TIMM9: variants seen among roughly 807,000 people sequenced by gnomAD.
TIMM9 encodes translocase of inner mitochondrial membrane 9.
Under a neutral mutation model 13.4 loss-of-function variants are expected in TIMM9, and 10 were observed. That is an observed-to-expected ratio of 0.75 (90% CI 0.46 to 1.26). The LOEUF (loss-of-function observed/expected upper bound fraction) is 1.26. TIMM9 is among the 50% of genes most tolerant of loss of function. The pLI, the probability that TIMM9 is intolerant of heterozygous loss-of-function variation, is 0.00. For missense variants in TIMM9, 87 were observed against 100.8 expected, an observed-to-expected ratio of 0.86 and a Z score of 0.58; for synonymous variants, 32 against 32.1, an observed-to-expected ratio of 1.00 and a Z score of 0.01.
chr14:58,427,406 C>T lies in TIMM9; in HGVS notation c.-318G>A. The T allele has an allele frequency of 3.5e-6, 2 of 565,946 alleles. No individual in the cohort carries two copies. The highest frequency in any genetic ancestry group is 6.2e-6 in the Non-Finnish European group (2 of 321,684). The allele number at this position is 565,946 out of a possible 1,614,324, so 35.1% of individuals were successfully genotyped here. On this transcript the variant is annotated 5_prime_UTR_variant, in exon 1 of 6. Transcript: ENST00000395159. Reference sequence around the variant, plus strand: ...GCCTAATTTACCTAATCCCACGTCCCTAACGGTCTTCGGAAGCGAAGCAGT... The same window carrying T: ...GCCTAATTTACCTAATCCCACGTCCTTAACGGTCTTCGGAAGCGAAGCAGT...
At position 58,420,695 on chromosome 14, in the gene TIMM9, A is replaced by G. The variant is rs796143529; in HGVS notation, c.-27+3313T>C. Among the ~76,000 whole-genome samples, 16 of 148,454 alleles carry G rather than the reference A, an allele frequency of 1.1e-4. 1 individual carries two copies. The highest frequency in any genetic ancestry group is 4.0e-4 in the African/African-American group (16 of 40,410). ...GTGGTCCCAGCTACTCGGGTGGCTG[A>G]GGCAAGAGAATTGCTTGAACCCAGG... On this transcript the variant is annotated intron_variant, in intron 3 of 5. Transcript: ENST00000395159.
Position 58,408,791 on chromosome 14 carries a change from G to A in TIMM9, c.*243C>T. ...TTTCTAATCAAGTGACCAAGCTGCTGAATCATAAGGCCTCAACAAATGTTG... is the reference window on the plus strand; with the variant it reads ...TTTCTAATCAAGTGACCAAGCTGCTAAATCATAAGGCCTCAACAAATGTTG... On this transcript the variant is annotated 3_prime_UTR_variant, in exon 6 of 6. Transcript: ENST00000395159. 1 of 672,170 alleles carries A rather than the reference G, an allele frequency of 1.5e-6. No homozygotes were observed. Among genetic ancestry groups the A allele is most frequent in the Non-Finnish European group, 2.4e-6 (1 of 415,234 alleles). The allele number at this position is 672,170 out of a possible 1,614,324, so 41.6% of individuals were successfully genotyped here. A position where few individuals can be genotyped will look rare whatever the true frequency, so the allele number is the denominator to read the frequency against.
rs117652928 is a variant in TIMM9 at position 58,410,197 on chromosome 14, A to C, written c.135+646T>G. ...GGTGACCCTCTCACCTCAGCTCCCG[A>C]GTAGCTGGGACCACAGGCATGTACC... On this transcript the variant is annotated intron_variant, in intron 5 of 5. Transcript: ENST00000395159. Among the ~76,000 whole-genome samples the C allele has an allele frequency of 4.2e-4, 64 of 152,084 alleles. 1 individual carries two copies. In the East Asian group the frequency reaches 0.012, roughly 29 times the overall value.
intron 4 of TIMM9, among the ~76,000 whole-genome samples, chr14:58,411,245 C>G (rs955173249): frequency 6.6e-6 from 1 of 151,842 alleles, no homozygotes; most frequent in South Asian, 2.1e-4. Context: ...GTCAGGAGTT[C>G]GAGACCAGCC....
At chr14:58,420,244 C>T (rs2036547582) in intron 3 of TIMM9, among the ~76,000 whole-genome samples, 1 of 152,052 alleles carries the variant, frequency 6.6e-6, no homozygotes, top group Admixed American at 6.5e-5. Flanking sequence ...AAAACTTTTG[C>T]TTTATGAAAG....
At chr14:58,414,008 G>GCAA (rs755857225) in intron 3 of TIMM9, among the ~76,000 whole-genome samples, 2 of 24,172 alleles carry the variant, frequency 8.3e-5, no homozygotes, top group Non-Finnish European at 1.3e-4. Flanking sequence ...TTCCGTCTCA[G>GCAA]AAAAAAAAAA....
At chr14:58,414,736 C>CAAAAAAAAAAAAA (rs35380721) in intron 3 of TIMM9, among the ~76,000 whole-genome samples, 1 of 117,558 alleles carries the variant, frequency 8.5e-6, no homozygotes, top group African/African-American at 3.3e-5. Flanking sequence ...GACGCCATCT[C>CAAAAAAAAAAAAA]AAAAAAAAAA....
Position 58,410,931 on chromosome 14 carries a change from T to C in TIMM9, c.47A>G (p.Glu16Gly), listed in dbSNP as rs767019978. The C allele has an allele frequency of 2.5e-6, 4 of 1,611,146 alleles. No homozygotes were observed. The highest frequency in any genetic ancestry group is 3.4e-6 in the Non-Finnish European group (4 of 1,178,620). The change falls in exon 5 of 6, where the codon GAA becomes GGA. Residue 16 changes from glutamate to glycine, a missense_variant. Coordinates refer to ENST00000395159, the MANE Select transcript of TIMM9 (RefSeq NM_012460.4). ...PESDQIKQFK[E>G]FLGTYNKLTE... Reference sequence around the variant, plus strand: ...AAGTTTATTGTAGGTCCCCAGAAATTCCTTAAACTACAAACAAACCAGAAT... The same window carrying C: ...AAGTTTATTGTAGGTCCCCAGAAATCCCTTAAACTACAAACAAACCAGAAT...
At chr14:58,425,425 G>A (rs1033958102) in intron 2 of TIMM9, among the ~76,000 whole-genome samples, 5 of 151,796 alleles carry the variant, frequency 3.3e-5, no homozygotes, top group Non-Finnish European at 5.9e-5. Flanking sequence ...ATTAGCCAGC[G>A]TGGTGGCAAG....
At chr14:58,425,847 G>A (rs1262262405) in intron 2 of TIMM9, among the ~76,000 whole-genome samples, 2 of 152,056 alleles carry the variant, frequency 1.3e-5, no homozygotes, top group African/African-American at 2.4e-5. Flanking sequence ...GGCCACGTGC[G>A]GTGGCTCACG....
chr14:58,411,885 C>T (rs1638868574), intron 4 of TIMM9, 22 bp downstream of exon 4: 1 of 1,612,622 alleles, frequency 6.2e-7, no homozygotes, highest in South Asian at 1.1e-5. Context: ...AAAATCTTTT[C>T]CCCTTAATTA....
At position 58,426,802 on chromosome 14, in the gene TIMM9, A is replaced by T. The variant is rs540681608; in HGVS notation, c.-115+252T>A. 2.6e-5 allele frequency among the ~76,000 whole-genome samples: 4 copies of T among 152,276 alleles called. No homozygotes were observed. In the South Asian group the frequency reaches 6.2e-4, roughly 24 times the overall value. ...CCTTATAGTCTAATTCAGTGTCCCA[A>T]AACAGGACCCCGACTCCCCAGATCC... On this transcript the variant is annotated intron_variant, in intron 2 of 5. Coordinates refer to ENST00000395159, the MANE Select transcript of TIMM9 (RefSeq NM_012460.4).
chr14:58,410,671 C>G (rs889816305), intron 5 of TIMM9, among the ~76,000 whole-genome samples, 172 bp downstream of exon 5: 1 of 152,204 alleles, frequency 6.6e-6, no homozygotes, highest in African/African-American at 2.4e-5. Context: ...AAATTTGGCA[C>G]TGTTAAACTC....
At chr14:58,423,588 A>C (rs1481103308) in intron 3 of TIMM9, among the ~76,000 whole-genome samples, 1 of 151,556 alleles carries the variant, frequency 6.6e-6, no homozygotes, top group Non-Finnish European at 1.5e-5. Flanking sequence ...AAAATACTGG[A>C]GATGACTGAG....
chr14:58,409,790 G>C (rs554291462), intron 5 of TIMM9, among the ~76,000 whole-genome samples: 2 of 152,156 alleles, frequency 1.3e-5, no homozygotes, highest in East Asian at 3.9e-4. Context: ...GTGTTAGCCA[G>C]GATGGTCTTG....
chr14:58,420,650 G>A (rs557875281), intron 3 of TIMM9, among the ~76,000 whole-genome samples: 3 of 151,980 alleles, frequency 2.0e-5, no homozygotes, highest in Admixed American at 1.3e-4. Context: ...AAAGTTAGCC[G>A]GGCATGGTGG....
intron 5 of TIMM9, among the ~76,000 whole-genome samples, chr14:58,410,345 G>A (rs1166764972): frequency 3.3e-5 from 5 of 152,128 alleles, no homozygotes; most frequent in South Asian, 2.1e-4. Flanking sequence ...AATGTGCTGG[G>A]AGTTCAAAGT....
At chr14:58,414,008 GAAAAAAAAAAAAAA>G (rs10656955) in intron 3 of TIMM9, among the ~76,000 whole-genome samples, 5 of 24,172 alleles carry the variant, frequency 2.1e-4, no homozygotes, top group South Asian at 4.1e-3. Context: ...TTCCGTCTCA[GAAAAAAAAAAAAAA>G]AAAAAAAAAA....
intron 5 of TIMM9, among the ~76,000 whole-genome samples, chr14:58,410,339 T>G (rs563704947): frequency 7.2e-5 from 11 of 152,174 alleles, no homozygotes; most frequent in Non-Finnish European, 1.5e-4. Flanking sequence ...CCTCCCAATG[T>G]GCTGGGAGTT....
Sources: gnomAD v4.1 joint callset for allele counts (sites outside exome capture counted in the v4.1 genomes callset) on GRCh38, gnomAD v4.1.1 for gene constraint, MANE v1.5 for transcripts, NCBI Gene and HGNC (gene_info 2026-07-23, HGNC 2026-07-21) for gene names.